The following CLDN14 variants were observed in gnomAD, a reference collection of about 807,000 sequenced individuals.
CLDN14 encodes the protein claudin-14.
CLDN14 carries 2 observed loss-of-function variants against 2.1 expected under a neutral mutation model. That is an observed-to-expected ratio of 0.96 (90% CI 0.39 to 3.01). The LOEUF is 3.01. Among genes scored for constraint, CLDN14 ranks in the 30% most tolerant of loss-of-function variants. The pLI is 0.09. For synonymous variants in CLDN14, 136 were observed against 154.4 expected, an observed-to-expected ratio of 0.88 and a Z score of 0.88; for missense variants, 298 against 328.0, an observed-to-expected ratio of 0.91 and a Z score of 0.71.
chr21:36,557,874 A>G (rs903963963), intron 1 of CLDN14, among the ~76,000 whole-genome samples: 33 of 152,186 alleles, frequency 2.2e-4, no homozygotes, highest in African/African-American at 7.5e-4. Context: ...GACCAATGTC[A>G]TGAAGTTTTT....
At chr21:36,492,910 T>A (rs2086982605) in intron 2 of CLDN14, among the ~76,000 whole-genome samples, 1 of 152,104 alleles carries the variant, frequency 6.6e-6, no homozygotes, top group Non-Finnish European at 1.5e-5. Flanking sequence ...TGTGAGAGAA[T>A]GATGTTCTCT....
At chr21:36,547,943 G>A (rs2087536772) in intron 1 of CLDN14, among the ~76,000 whole-genome samples, 1 of 152,332 alleles carries the variant, frequency 6.6e-6, no homozygotes, top group South Asian at 2.1e-4. Flanking sequence ...CACATCTTTG[G>A]AAACATTACC....
At chr21:36,489,372 T>C (rs1411343603) in intron 2 of CLDN14, among the ~76,000 whole-genome samples, 1 of 152,066 alleles carries the variant, frequency 6.6e-6, no homozygotes, top group Non-Finnish European at 1.5e-5. Flanking sequence ...CCCTCCCTTC[T>C]CAGTTCCAGC....
intron 1 of CLDN14, among the ~76,000 whole-genome samples, chr21:36,561,192 A>G (rs919347364): frequency 1.3e-5 from 2 of 152,170 alleles, no homozygotes; most frequent in African/African-American, 2.4e-5. Context: ...AACTAGACCT[A>G]TCGGTTAAGC....
At position 36,461,270 on chromosome 21, in the gene CLDN14, G is replaced by T. The variant is rs140671150; in HGVS notation, c.426C>A (p.Asp142Glu). The change falls in exon 2 of 2, where the codon GAC (aspartate) becomes GAA (glutamate). Residue 142 changes from aspartate to glutamate, a missense_variant. Transcript: ENST00000399135. ...GCGGGTTGTAGAAGTTCTGCACCAC[G>T]TCGTTGGTGGTCCAGGAGACGGCCA... Reference protein sequence around the residue: ...CMVAVSWTTNDVVQNFYNPLL... With the variant: ...CMVAVSWTTNEVVQNFYNPLL... The T allele has an allele frequency of 6.2e-7, 1 of 1,613,876 alleles. No individual in the cohort carries two copies. Among genetic ancestry groups the T allele is most frequent in the Non-Finnish European group, 8.5e-7 (1 of 1,180,004 alleles).
chr21:36,515,460 G>A (rs1418279024), intron 1 of CLDN14, among the ~76,000 whole-genome samples: 1 of 152,016 alleles, frequency 6.6e-6, no homozygotes, highest in East Asian at 1.9e-4. Flanking sequence ...ATCACCTGAG[G>A]TCAGGAGTTG....
chr21:36,540,748 A>G (rs1214095668), intron 1 of CLDN14, among the ~76,000 whole-genome samples: 1 of 152,192 alleles, frequency 6.6e-6, no homozygotes, highest in Admixed American at 6.5e-5. Flanking sequence ...AGAGAGGCCA[A>G]CATCAGCCAG....
chr21:36,485,284 C>G (rs2086883836), intron 2 of CLDN14, among the ~76,000 whole-genome samples: 1 of 145,556 alleles, frequency 6.9e-6, no homozygotes, highest in East Asian at 1.9e-4. Flanking sequence ...TTTTGGCTCA[C>G]TGCACTCTTT....
intron 1 of CLDN14, among the ~76,000 whole-genome samples, chr21:36,525,274 T>C (rs1216751500): frequency 3.3e-5 from 5 of 151,526 alleles, no homozygotes; most frequent in Non-Finnish European, 7.4e-5. Context: ...GCTGATGACA[T>C]GCACTAGGGG....
At chr21:36,491,051 T>C (rs2086959624) in intron 2 of CLDN14, among the ~76,000 whole-genome samples, 1 of 152,016 alleles carries the variant, frequency 6.6e-6, no homozygotes, top group Non-Finnish European at 1.5e-5. Context: ...GCCAAACCTT[T>C]CCAAAGGCCG....
Position 36,568,801 on chromosome 21 carries a change from A to T in CLDN14, c.-220+7610T>A, listed in dbSNP as rs891709479. ...CACAGACACGCCACATATGCCTTTC[A>T]TTCCTTTAACAGTTCAGACTGGGGC... On this transcript the variant is annotated intron_variant, in intron 1 of 2. Coordinates refer to the CLDN14 transcript ENST00000342108. Among the ~76,000 whole-genome samples, 3 of 152,228 alleles carry T rather than the reference A, an allele frequency of 2.0e-5. No homozygotes were observed. The East Asian group carries it at 5.8e-4, about 29-fold the overall frequency.
At chr21:36,532,731 G>A (rs944332809) in intron 1 of CLDN14, among the ~76,000 whole-genome samples, 9 of 152,218 alleles carry the variant, frequency 5.9e-5, no homozygotes, top group Non-Finnish European at 1.0e-4. Flanking sequence ...CTTCTCTTTC[G>A]AGAATGCGGG....
intron 2 of CLDN14, among the ~76,000 whole-genome samples, chr21:36,509,759 C>T (rs2087168541): frequency 6.6e-6 from 1 of 152,094 alleles, no homozygotes; most frequent in Admixed American, 6.5e-5. Flanking sequence ...CCACACCCAG[C>T]TAATTTTTGT....
At chr21:36,539,580 T>C (rs1300037031) in intron 1 of CLDN14, among the ~76,000 whole-genome samples, 1 of 148,524 alleles carries the variant, frequency 6.7e-6, no homozygotes, top group Non-Finnish European at 1.5e-5. Context: ...GTGCAGTTTG[T>C]GTGGAGTGAG....
intron 2 of CLDN14, among the ~76,000 whole-genome samples, chr21:36,495,727 C>G (rs899269314): frequency 6.6e-6 from 1 of 152,194 alleles, no homozygotes; most frequent in Non-Finnish European, 1.5e-5. Context: ...TCTTACCCCA[C>G]GAAGTTCTTG....
intron 2 of CLDN14, among the ~76,000 whole-genome samples, chr21:36,501,856 A>G (rs2087094737): frequency 6.6e-6 from 1 of 151,834 alleles, no homozygotes; most frequent in Admixed American, 6.6e-5. Context: ...AAGTGAATGT[A>G]TTTTAGGATC....
At chr21:36,471,698 G>A (rs2086713071) in intron 1 of CLDN14, among the ~76,000 whole-genome samples, 1 of 152,210 alleles carries the variant, frequency 6.6e-6, no homozygotes, top group African/African-American at 2.4e-5. Context: ...AATAGAAAAA[G>A]AAAGCAAACC....
chr21:36,557,060 T>A (rs1345273429), intron 1 of CLDN14, among the ~76,000 whole-genome samples: 1 of 152,234 alleles, frequency 6.6e-6, no homozygotes, highest in Non-Finnish European at 1.5e-5. Context: ...TTTCTGTGAC[T>A]GGCTTACTTT....
In CLDN14 at chr21:36,461,247, G is replaced by A. The variant is rs775588286; in HGVS notation, c.449C>T (p.Pro150Leu). The A allele has an allele frequency of 3.1e-6, 5 of 1,613,830 alleles. No individual in the cohort carries two copies. Among genetic ancestry groups the A allele is most frequent in the Admixed American group, 1.7e-5 (1 of 60,000 alleles). The change falls in exon 2 of 2, where the codon CCG (proline) becomes CTG (leucine). Residue 150 changes from proline to leucine, a missense_variant. Transcript: ENST00000399135. ...AAACTTCATGCCGCTGGGCAGCAGC[G>A]GGTTGTAGAAGTTCTGCACCACGTC... The part of the protein sequence containing the change: ...TNDVVQNFYN[P>L]LLPSGMKFEI...
Sources: gnomAD v4.1 joint callset for allele counts (sites outside exome capture counted in the v4.1 genomes callset) on GRCh38, gnomAD v4.1.1 for gene constraint, MANE v1.5 for transcripts, NCBI Gene and HGNC (gene_info 2026-07-23, HGNC 2026-07-21) for gene names.